Variants in IL1B observed in about 807,000 individuals in gnomAD.
IL1B encodes the protein interleukin 1 beta.
In IL1B, 11 loss-of-function variants were observed where a neutral mutation model predicts 26.2. The ratio of observed to expected loss-of-function variants is 0.42; its 90% CI spans 0.26 to 0.70. The LOEUF is 0.70. IL1B is among the 30% of genes least tolerant of loss of function. IL1B has a pLI of 0.25. For synonymous variants in IL1B, 118 were observed against 120.8 expected (o/e 0.98, Z 0.15); for missense variants, 255 against 327.5 (o/e 0.78, Z 1.71).
At chr2:112,831,098 AT>A in intron 6 of IL1B, 193 bp downstream of exon 6, 1 of 623,138 alleles carries the variant, frequency 1.6e-6, no homozygotes, top group Non-Finnish European at 2.9e-6. Context: ...CGGCAAAATG[AT>A]TTAATTTTCT....
chr2:112,833,253 T>A lies in IL1B; in HGVS notation c.301+121A>T, dbSNP rs543306451. On this transcript the variant is annotated intron_variant, in intron 4 of 6. Coordinates refer to ENST00000263341, the MANE Select transcript of IL1B (RefSeq NM_000576.3). ...TTGGTTTCCAGCCTTCTTTGTTTTG[T>A]CTCCCCGCTGGGCCTTCTACCTTTA... 50 of 881,100 alleles carry A rather than the reference T, an allele frequency of 5.7e-5. 1 individual carries two copies. In the Middle Eastern group the frequency reaches 2.0e-3, roughly 35 times the overall value. 54.6% of individuals were successfully genotyped at this position (881,100 alleles called of 1,614,324 possible).
rs184928826 is a variant in IL1B, at chr2:112,836,065, C to T, written c.47+118G>A. The T allele has an allele frequency of 4.5e-6, 4 of 881,590 alleles. No homozygotes were observed. In the East Asian group the frequency reaches 9.8e-5, roughly 22 times the overall value. The allele number at this position is 881,590 out of a possible 1,614,324, so 54.6% of individuals were successfully genotyped here. A position where few individuals can be genotyped will look rare whatever the true frequency, so the allele number is the denominator to read the frequency against. On this transcript the variant is annotated intron_variant, in intron 2 of 6. Transcript: ENST00000263341. ...TCTTTAAATCAGATTTACTTGGCACCCTGTTTGCCACTGAAAGAGGCAATT... is the reference window on the plus strand; with the variant it reads ...TCTTTAAATCAGATTTACTTGGCACTCTGTTTGCCACTGAAAGAGGCAATT...
Position 112,831,390 on chromosome 2 carries a change from C to A in IL1B, c.499G>T (p.Glu167Ter). ...GCCACAGGTATTTTGTCATTACTTT[C>A]TTCTCCTTGTACAAAGGACATGGAG... ...VFSMSFVQGEESNDKIPVALG... is the reference protein window; with the variant it reads ...VFSMSFVQGE Residue 167 changes from glutamate to a stop codon, truncating the protein, a stop_gained, in exon 6 of 7, where the codon GAA becomes TAA. Coordinates refer to ENST00000263341, the MANE Select transcript of IL1B (RefSeq NM_000576.3). LOFTEE classifies it high-confidence loss of function. 1 of 1,613,952 alleles carries A rather than the reference C, an allele frequency of 6.2e-7. No individual in the cohort carries two copies.
intron 3 of IL1B, 123 bp from the exon 4 acceptor site, chr2:112,833,698 A>G (rs3136558): frequency 0.23 from 219,670 of 937,372 alleles, 27,933 homozygotes; most frequent in East Asian, 0.44. Flanking sequence ...GCTTCTAAAG[A>G]TCATCCCTCT....
At chr2:112,831,539 A>G in intron 5 of IL1B, 117 bp from the exon 6 acceptor site, 2 of 1,155,614 alleles carry the variant, frequency 1.7e-6, no homozygotes, top group South Asian at 1.3e-5. Context: ...ACCCACAGTG[A>G]GGTTCCTTGG....
rs16062 is a variant in IL1B at position 112,833,504 on chromosome 2, G to A, written c.171C>T (p.Tyr57=). 3,616 of 1,614,238 alleles carry A rather than the reference G, an allele frequency of 2.2e-3. 5 individuals are homozygous for A. Among genetic ancestry groups the A allele is most frequent in the Non-Finnish European group, 2.8e-3 (3,359 of 1,180,050 alleles). ...ACGCGGCCTGCCTGAAGCCCTTGCT[G>A]TAGTGGTGGTCGGAGATTCGTAGCT... The part of the protein sequence containing the change: ...GIQLRISDHH[Y]SKGFRQAASV... Residue 57 remains tyrosine, a synonymous_variant, in exon 4 of 7, where the codon TAC becomes TAT. Transcript: ENST00000263341.
rs141525769 is a variant in IL1B at position 112,832,798 on chromosome 2, G to A, written c.330C>T (p.Asn110=). Residue 110 remains asparagine, a synonymous_variant, in exon 5 of 7, where the codon AAC becomes AAT. Transcript: ENST00000263341. ...EEPIFFDTWD[N]EAYVHDAPVR... is the part of the protein sequence containing the mutation. Reference sequence around the variant, plus strand: ...CAGGTGCATCGTGCACATAAGCCTCGTTATCCCATGTGTCGAAGAAGATAG... The same window carrying A: ...CAGGTGCATCGTGCACATAAGCCTCATTATCCCATGTGTCGAAGAAGATAG... The A allele has an allele frequency of 5.6e-6, 9 of 1,614,170 alleles. No homozygotes were observed. The highest frequency in any genetic ancestry group is 4.0e-5 in the African/African-American group (3 of 75,042).
At chr2:112,831,610 G>C (rs541529218) in intron 5 of IL1B, among the ~76,000 whole-genome samples, 188 bp from the exon 6 acceptor site, 2 of 152,234 alleles carry the variant, frequency 1.3e-5, no homozygotes, top group East Asian at 3.9e-4. Context: ...TGTTGATTTA[G>C]GGTTTCCCCT....
At chr2:112,832,978 T>C (rs1230180515) in intron 4 of IL1B, 152 bp from the exon 5 acceptor site, 1 of 750,740 alleles carries the variant, frequency 1.3e-6, no homozygotes, top group Non-Finnish European at 2.3e-6. Context: ...GGGAGTGGGG[T>C]GGCTAAGAAC....
rs3917359 is a variant in IL1B, at chr2:112,833,585, G to A, written c.100-10C>T. Reference sequence around the variant, plus strand: ...GGTCCTGGAAGGAGCACTGCGGAGAGAGCGAGGGAGGGAGCCTGGTGAGGT... The same window carrying A: ...GGTCCTGGAAGGAGCACTGCGGAGAAAGCGAGGGAGGGAGCCTGGTGAGGT... On this transcript the variant is annotated splice_polypyrimidine_tract_variant and intron_variant, in intron 3 of 6. Coordinates refer to ENST00000263341, the MANE Select transcript of IL1B (RefSeq NM_000576.3). The A allele has an allele frequency of 7.5e-3, 12,180 of 1,613,266 alleles. 122 individuals are homozygous for A. The highest frequency in any genetic ancestry group is 0.032 in the Middle Eastern group (195 of 6,050).
chr2:112,831,756 CG>C (rs1681989263), intron 5 of IL1B, among the ~76,000 whole-genome samples: 1 of 151,976 alleles, frequency 6.6e-6, no homozygotes, highest in African/African-American at 2.4e-5. Flanking sequence ...TCCACAGGAG[CG>C]GAACAACTTG....
rs1407164744 is a variant in IL1B at position 112,833,573 on chromosome 2, G to A, written c.102C>T (p.Cys34=). 6.2e-7 allele frequency: 1 copy of A among 1,613,870 alleles called. No homozygotes were observed. ...GGCAGAGGTCCAGGTCCTGGAAGGA[G>A]CACTGCGGAGAGAGCGAGGGAGGGA... The part of the protein sequence containing the change: ...FEADGPKQMK[C]SFQDLDLCPL... The change falls in exon 4 of 7, where the codon TGC becomes TGT. Residue 34 remains cysteine, a splice_region_variant and synonymous_variant. Coordinates refer to ENST00000263341, the MANE Select transcript of IL1B (RefSeq NM_000576.3).
rs1682101735 is a variant in IL1B at position 112,836,735 on chromosome 2, A to C, written c.-43T>G. On this transcript the variant is annotated 5_prime_UTR_variant, in exon 1 of 7. Transcript: ENST00000263341. ...GAGCAATGAAGATTGGCTGAAGAGAATCCCAGAGCAGCCTGTTGTGCCTTG... is the reference window on the plus strand; with the variant it reads ...GAGCAATGAAGATTGGCTGAAGAGACTCCCAGAGCAGCCTGTTGTGCCTTG... 6.2e-6 allele frequency: 1 copy of C among 161,862 alleles called. No individual in the cohort carries two copies. Among genetic ancestry groups the C allele is most frequent in the African/African-American group, 2.4e-5 (1 of 41,640 alleles). The allele number at this position is 161,862 out of a possible 1,614,324, so 10.0% of individuals were successfully genotyped here. A position where few individuals can be genotyped will look rare whatever the true frequency, so the allele number is the denominator to read the frequency against.
At chr2:112,835,794 T>A (rs1159957411) in intron 2 of IL1B, among the ~76,000 whole-genome samples, 177 bp from the exon 3 acceptor site, 1 of 152,226 alleles carries the variant, frequency 6.6e-6, no homozygotes, top group Non-Finnish European at 1.5e-5. Flanking sequence ...GAAGGCAGAT[T>A]CTAGGCCTGG....
chr2:112,836,045 A>C, intron 2 of IL1B, 138 bp downstream of exon 2: 1 of 760,092 alleles, frequency 1.3e-6, no homozygotes, highest in Non-Finnish European at 2.3e-6. Context: ...AGTAGTCTTT[A>C]AATCAGATTT....
intron 3 of IL1B, among the ~76,000 whole-genome samples, chr2:112,834,211 C>T (rs923331190): frequency 6.6e-6 from 1 of 152,146 alleles, no homozygotes; most frequent in African/African-American, 2.4e-5. Flanking sequence ...CATGCCCCAC[C>T]TACACCATAC....
chr2:112,832,930 G>C (rs746834664), intron 4 of IL1B, 104 bp from the exon 5 acceptor site: 1 of 1,106,570 alleles, frequency 9.0e-7, no homozygotes, highest in Non-Finnish European at 1.4e-6. Context: ...GAGCATATAC[G>C]GTCAAAGTCT....
intron 3 of IL1B, chr2:112,835,234 A>C: frequency 2.5e-6 from 1 of 400,116 alleles, no homozygotes; most frequent in South Asian, 2.4e-5. Context: ...AACTCAAGTG[A>C]TTGGCATAGG....
chr2:112,835,332 C>T (rs1682069350), intron 3 of IL1B: 1 of 590,018 alleles, frequency 1.7e-6, no homozygotes, highest in Admixed American at 2.8e-5. Context: ...TATCACTACT[C>T]CTCCCCTGTC....
Sources: gnomAD v4.1 joint callset for allele counts (sites outside exome capture counted in the v4.1 genomes callset) on GRCh38, gnomAD v4.1.1 for gene constraint, MANE v1.5 for transcripts, NCBI Gene and HGNC (gene_info 2026-07-23, HGNC 2026-07-21) for gene names.